COL25A1: variants seen among roughly 807,000 people sequenced by gnomAD.
COL25A1 encodes the protein collagen type XXV alpha 1 chain, also known as collagen alpha-1(XXV) chain.
COL25A1 carries 103 observed loss-of-function variants against 128.4 expected under a neutral mutation model. That is an observed-to-expected ratio of 0.80 (90% CI 0.68 to 0.94). The LOEUF (loss-of-function observed/expected upper bound fraction) is 0.94, where lower values mean the gene tolerates loss of function less well. Among genes scored for constraint, COL25A1 ranks in the 40% least tolerant of loss-of-function variants. COL25A1 has a pLI of 0.00. For synonymous variants in COL25A1, 279 were observed against 277.2 expected (o/e 1.01, Z -0.06); for missense variants, 745 against 840.0 (o/e 0.89, Z 1.40).
At chr4:108,868,548 A>AAAAGAAAGAAAG (rs144920389) in intron 20 of COL25A1, among the ~76,000 whole-genome samples, 1 of 140,072 alleles carries the variant, frequency 7.1e-6, no homozygotes, top group Non-Finnish European at 1.5e-5. Context: ...AGAAAAGAAA[A>AAAAGAAAGAAAG]AAGAAAGAAA....
Position 109,154,283 on chromosome 4 carries a change from T to C in COL25A1, c.368-104104A>G, listed in dbSNP as rs184141331. On this transcript the variant is annotated intron_variant, in intron 3 of 37. Coordinates refer to ENST00000399132, the MANE Select transcript of COL25A1 (RefSeq NM_198721.4). Reference sequence around the variant, plus strand: ...AGGCTACCCAGGGAGATGATGGAATTTCTATGTATTAGAATCTTTAAGAAT... The same window carrying C: ...AGGCTACCCAGGGAGATGATGGAATCTCTATGTATTAGAATCTTTAAGAAT... Among the ~76,000 whole-genome samples the C allele has an allele frequency of 4.2e-3, 633 of 152,262 alleles. 4 individuals are homozygous for C. Among genetic ancestry groups the C allele is most frequent in the Non-Finnish European group, 4.3e-3 (294 of 68,012 alleles).
intron 3 of COL25A1, among the ~76,000 whole-genome samples, chr4:109,109,757 G>C (rs1216968999): frequency 6.6e-6 from 1 of 152,096 alleles, no homozygotes; most frequent in South Asian, 2.1e-4. Context: ...ATGCAGGACT[G>C]GCTATCTTGC....
intron 6 of COL25A1, among the ~76,000 whole-genome samples, chr4:108,995,686 A>G (rs10006505): frequency 0.8 from 121,039 of 152,074 alleles, 49,329 homozygotes; most frequent in East Asian, 1. Flanking sequence ...CAAGGTTGAA[A>G]TGAACGAAAA....
At chr4:109,279,218 T>C (rs1723129658) in intron 3 of COL25A1, among the ~76,000 whole-genome samples, 1 of 152,168 alleles carries the variant, frequency 6.6e-6, no homozygotes, top group Non-Finnish European at 1.5e-5. Flanking sequence ...TCTGCATTAA[T>C]TATATGGCTT....
chr4:108,972,485 C>T (rs1752016922), intron 8 of COL25A1, among the ~76,000 whole-genome samples: 1 of 152,010 alleles, frequency 6.6e-6, no homozygotes, highest in Non-Finnish European at 1.5e-5. Context: ...GTAATGTTTA[C>T]AAAATTCTAA....
intron 3 of COL25A1, among the ~76,000 whole-genome samples, chr4:109,260,677 G>C (rs1370503071): frequency 1.3e-5 from 2 of 152,054 alleles, no homozygotes; most frequent in East Asian, 1.9e-4. Context: ...TGTATTTTTA[G>C]TAGAGACGGG....
chr4:109,176,102 C>T (rs1774071075), intron 3 of COL25A1, among the ~76,000 whole-genome samples: 1 of 152,136 alleles, frequency 6.6e-6, no homozygotes, highest in African/African-American at 2.4e-5. Context: ...ATAAACTATA[C>T]AATCCCTGTC....
chr4:108,851,159 A>C (rs1331087778), intron 26 of COL25A1, among the ~76,000 whole-genome samples: 1 of 152,112 alleles, frequency 6.6e-6, no homozygotes, highest in African/African-American at 2.4e-5. Flanking sequence ...GGATCCAGGC[A>C]GTGTTGCTCA....
intron 3 of COL25A1, among the ~76,000 whole-genome samples, chr4:109,277,266 C>T (rs2126271133): frequency 6.6e-6 from 1 of 152,222 alleles, no homozygotes; most frequent in Admixed American, 6.5e-5. Flanking sequence ...ACTCTGTTTC[C>T]TCAATGACCA....
intron 6 of COL25A1, among the ~76,000 whole-genome samples, chr4:109,001,376 C>CATCTGAGATCCTGTCAGGTAGGT (rs1755361596): frequency 1.3e-5 from 2 of 152,186 alleles, no homozygotes; most frequent in Non-Finnish European, 2.9e-5. Context: ...AAGAAACAGG[C>CATCTGAGATCCTGTCAGGTAGGT]ATCTGAGATC....
At chr4:108,819,907 A>G (rs1254017216) in intron 35 of COL25A1, 4 of 1,193,194 alleles carry the variant, frequency 3.4e-6, no homozygotes, top group Non-Finnish European at 4.2e-6. Flanking sequence ...CCCTGTGGAT[A>G]CAAGGGTTTA....
rs551148475 is a variant in COL25A1, at chr4:109,096,443, T to C, written c.368-46264A>G. On this transcript the variant is annotated intron_variant, in intron 3 of 37. Coordinates refer to ENST00000399132, the MANE Select transcript of COL25A1 (RefSeq NM_198721.4). ...ACAAATACCTACCACTGTGTTACAA[T>C]TGCCTAGAATATTGAGTATAGTAAC... 1.5e-4 allele frequency among the ~76,000 whole-genome samples: 23 copies of C among 152,316 alleles called. No individual in the cohort carries two copies. In the East Asian group the frequency reaches 3.3e-3, roughly 22 times the overall value.
chr4:109,239,424 T>TATATA (rs1560914982), intron 3 of COL25A1, among the ~76,000 whole-genome samples: 8 of 107,178 alleles, frequency 7.5e-5, no homozygotes, highest in African/African-American at 2.3e-4. Flanking sequence ...ATATATATAT[T>TATATA]TATTTATTTA....
intron 3 of COL25A1, among the ~76,000 whole-genome samples, chr4:109,260,747 C>T (rs1781391458): frequency 6.6e-6 from 1 of 152,128 alleles, no homozygotes; most frequent in Non-Finnish European, 1.5e-5. Context: ...CCGCATGCCT[C>T]GGCCTCCTAA....
chr4:109,300,754 C>A, intron 2 of COL25A1, 102 bp from the exon 3 acceptor site: 1 of 759,380 alleles, frequency 1.3e-6, no homozygotes, highest in South Asian at 1.6e-5. Flanking sequence ...CATTTCATAA[C>A]CTGCATAACT....
chr4:109,173,365 G>A (rs1206805132), intron 3 of COL25A1, among the ~76,000 whole-genome samples: 2 of 152,092 alleles, frequency 1.3e-5, no homozygotes, highest in Non-Finnish European at 2.9e-5. Flanking sequence ...TTGGATCACA[G>A]GTCAAGGAAT....
intron 5 of COL25A1, among the ~76,000 whole-genome samples, chr4:109,034,194 A>G (rs1759126860): frequency 1.3e-5 from 2 of 152,216 alleles, no homozygotes; most frequent in African/African-American, 4.8e-5. Context: ...AAAGCTCTGC[A>G]TACAGAAACA....
chr4:109,012,704 C>T (rs896577028), intron 5 of COL25A1, among the ~76,000 whole-genome samples: 6 of 152,192 alleles, frequency 3.9e-5, no homozygotes, highest in African/African-American at 7.2e-5. Context: ...GGGCCTCAGC[C>T]GCCTCTCCGC....
At chr4:109,082,487 C>G (rs1362634520) in intron 3 of COL25A1, among the ~76,000 whole-genome samples, 20 of 152,158 alleles carry the variant, frequency 1.3e-4, no homozygotes, top group Admixed American at 1.3e-3. Context: ...TTACAGCCGT[C>G]CTCATGCATG....
Sources: gnomAD v4.1 joint callset for allele counts (sites outside exome capture counted in the v4.1 genomes callset) on GRCh38, gnomAD v4.1.1 for gene constraint, MANE v1.5 for transcripts, NCBI Gene and HGNC (gene_info 2026-07-23, HGNC 2026-07-21) for gene names.